The following KCNB2 variants were observed in gnomAD, a reference collection of about 807,000 sequenced individuals.
KCNB2 encodes the protein potassium voltage-gated channel subfamily B member 2.
KCNB2 carries 15 observed loss-of-function variants against 61.5 expected under a neutral mutation model. That is an observed-to-expected ratio of 0.24 (90% confidence interval 0.16 to 0.38). The LOEUF is 0.38. Ranked by LOEUF, KCNB2 falls within the 10% of genes least tolerant of loss-of-function variation. The probability of loss-of-function intolerance (pLI) is 1.00; values close to 1 mark genes in which losing one functional copy is unlikely to be tolerated. For synonymous variants in KCNB2, 457 were observed against 446.0 expected (o/e 1.02, Z -0.31); for missense variants, 828 against 1,125.2 (o/e 0.74, Z 3.78).
chr8:72,719,895 G>A (rs2247667), intron 2 of KCNB2, among the ~76,000 whole-genome samples: 125,397 of 152,204 alleles, frequency 0.82, 52,250 homozygotes, highest in East Asian at 0.96. Flanking sequence ...ACAGGAAAAA[G>A]AAGATGGTTA....
At chr8:72,651,089 A>G (rs1196908558) in intron 2 of KCNB2, among the ~76,000 whole-genome samples, 2 of 152,188 alleles carry the variant, frequency 1.3e-5, no homozygotes, top group Admixed American at 6.5e-5. Context: ...GCTCTGCAGC[A>G]TTCATTGAGA....
intron 2 of KCNB2, chr8:72,619,311 A>C (rs1805676679): frequency 3.3e-6 from 2 of 615,278 alleles, no homozygotes; most frequent in Non-Finnish European, 6.4e-6. Context: ...GGCAGGGGAA[A>C]AGTTCACACT....
intron 1 of KCNB2, among the ~76,000 whole-genome samples, chr8:72,543,805 A>G (rs1435725146): frequency 6.6e-6 from 1 of 152,186 alleles, no homozygotes; most frequent in Admixed American, 6.6e-5. Flanking sequence ...AACTCACTCA[A>G]AAGGATCATA....
At chr8:72,731,310 T>C (rs149892233) in intron 2 of KCNB2, among the ~76,000 whole-genome samples, 1 of 152,352 alleles carries the variant, frequency 6.6e-6, no homozygotes, top group East Asian at 1.9e-4. Flanking sequence ...AGAATTAACA[T>C]ACAATTAAAT....
At chr8:72,725,541 G>GTATATATATATGTATATATATATGTA (rs1484909320) in intron 2 of KCNB2, among the ~76,000 whole-genome samples, 1 of 74,702 alleles carries the variant, frequency 1.3e-5, no homozygotes, top group Non-Finnish European at 2.4e-5. Flanking sequence ...ATATATATAT[G>GTATATATATATGTATATATATATGTA]TGTGTATATA....
At chr8:72,864,497 T>C (rs1197731944) in intron 2 of KCNB2, among the ~76,000 whole-genome samples, 2 of 152,178 alleles carry the variant, frequency 1.3e-5, no homozygotes, top group Non-Finnish European at 2.9e-5. Context: ...CTTCTGCCTG[T>C]GGTAGAGGAG....
At chr8:72,775,818 A>G (rs986168781) in intron 2 of KCNB2, among the ~76,000 whole-genome samples, 2 of 152,148 alleles carry the variant, frequency 1.3e-5, no homozygotes, top group Non-Finnish European at 2.9e-5. Flanking sequence ...TTTAAAAATC[A>G]TAACCATTGT....
intron 2 of KCNB2, among the ~76,000 whole-genome samples, chr8:72,639,181 C>T (rs369092819): frequency 1.3e-5 from 2 of 152,260 alleles, no homozygotes; most frequent in South Asian, 4.1e-4. Context: ...ACCTTGGAAA[C>T]TGATGAACAC....
chr8:72,697,620 G>T (rs1190206831), intron 2 of KCNB2, among the ~76,000 whole-genome samples: 3 of 152,056 alleles, frequency 2.0e-5, no homozygotes, highest in Non-Finnish European at 2.9e-5. Flanking sequence ...CTGTGCTCCA[G>T]CCTGGGCAAC....
At chr8:72,842,230 T>C (rs1809904785) in intron 2 of KCNB2, among the ~76,000 whole-genome samples, 1 of 152,210 alleles carries the variant, frequency 6.6e-6, no homozygotes, top group Admixed American at 6.5e-5. Context: ...ATGTGATGGA[T>C]TACATTTATT....
chr8:72,924,693 A>T (rs1806600567), intron 2 of KCNB2, among the ~76,000 whole-genome samples: 1 of 152,198 alleles, frequency 6.6e-6, no homozygotes, highest in Admixed American at 6.5e-5. Flanking sequence ...GTCTCTAATA[A>T]ATACAGAAGT....
At chr8:72,764,223 T>C (rs138438142) in intron 2 of KCNB2, among the ~76,000 whole-genome samples, 2 of 152,326 alleles carry the variant, frequency 1.3e-5, no homozygotes, top group East Asian at 3.9e-4. Context: ...TGACTTTCAC[T>C]GCTGGATGAT....
chr8:72,677,671 T>C (rs536459477), intron 2 of KCNB2, among the ~76,000 whole-genome samples: 2 of 152,222 alleles, frequency 1.3e-5, no homozygotes, highest in African/African-American at 4.8e-5. Flanking sequence ...GCTACCAGGA[T>C]GCTTTCTCTT....
chr8:72,726,230 A>G (rs555072494), intron 2 of KCNB2, among the ~76,000 whole-genome samples: 1 of 152,322 alleles, frequency 6.6e-6, no homozygotes, highest in East Asian at 1.9e-4. Flanking sequence ...GCCATGTGAG[A>G]ACATAGCAGG....
At chr8:72,716,013 A>G (rs1474248269) in intron 2 of KCNB2, among the ~76,000 whole-genome samples, 1 of 152,240 alleles carries the variant, frequency 6.6e-6, no homozygotes, top group Non-Finnish European at 1.5e-5. Flanking sequence ...ACAAACTACC[A>G]TCAGAGAATA....
intron 2 of KCNB2, among the ~76,000 whole-genome samples, chr8:72,850,029 G>C (rs552179725): frequency 2.6e-5 from 4 of 152,220 alleles, no homozygotes; most frequent in Admixed American, 2.6e-4. Flanking sequence ...GCACTGTTTT[G>C]ACATCTAGTA....
In KCNB2 at chr8:72,936,733, C is replaced by G. The variant is rs773971617; in HGVS notation, c.1378C>G (p.Arg460Gly). ...VSMNLKDAFA[R>G]SMELIDVAVE... Reference sequence around the variant, plus strand: ...TATGAACTTAAAAGATGCCTTCGCTCGAAGTATGGAACTGATAGATGTGGC... The same window carrying G: ...TATGAACTTAAAAGATGCCTTCGCTGGAAGTATGGAACTGATAGATGTGGC... The change falls in exon 3 of 3, where the codon CGA (arginine) becomes GGA (glycine). Residue 460 changes from arginine (R) to glycine (G), a missense_variant. Arg to Gly is a moderately radical substitution (Grantham distance 125). Around this residue, in one of 4 missense-constraint regions of KCNB2, gnomAD observed 559 missense variants for 588.4 expected, o/e 0.95. Transcript: ENST00000523207. The surrounding 1 kb of genome is among the most constrained non-coding windows in gnomAD (Gnocchi z 5.6). 27 of 1,613,980 alleles carry G rather than the reference C, an allele frequency of 1.7e-5. No individual in the cohort carries two copies. The East Asian group carries it at 5.3e-4, about 32-fold the overall frequency.
At chr8:72,728,126 C>T (rs1457371211) in intron 2 of KCNB2, among the ~76,000 whole-genome samples, 2 of 152,184 alleles carry the variant, frequency 1.3e-5, no homozygotes, top group Non-Finnish European at 2.9e-5. Context: ...GAGGCCAACT[C>T]TCCTTTTAAT....
At chr8:72,657,183 T>C (rs1488762950) in intron 2 of KCNB2, among the ~76,000 whole-genome samples, 1 of 152,146 alleles carries the variant, frequency 6.6e-6, no homozygotes, top group East Asian at 1.9e-4. Context: ...ACCCACAGAA[T>C]TATAATCTGT....
Sources: gnomAD v4.1 joint callset for allele counts (sites outside exome capture counted in the v4.1 genomes callset) on GRCh38, gnomAD v4.1.1 for gene constraint, gnomAD v4.1.1 regional missense constraint, Gnocchi (gnomAD v3.1) non-coding constraint, MANE v1.5 for transcripts, NCBI Gene and HGNC (gene_info 2026-07-23, HGNC 2026-07-21) for gene names.